The following PUM2 variants were observed in gnomAD, a reference collection of about 807,000 sequenced individuals.
The protein encoded by PUM2 is pumilio RNA binding family member 2.
A neutral mutation model predicts 124.5 loss-of-function variants in PUM2; 57 were observed. That is an observed-to-expected ratio of 0.46 (90% confidence interval 0.37 to 0.57). PUM2 has a LOEUF of 0.57. Ranked by LOEUF, PUM2 falls within the 20% of genes least tolerant of loss-of-function variation. The pLI is 0.00. For synonymous variants in PUM2, 460 were observed against 446.1 expected (o/e 1.03, Z -0.39); for missense variants, 1,065 against 1,290.6 (o/e 0.83, Z 2.68).
chr2:20,326,431 A>T, intron 2 of PUM2: 1 of 1,303,214 alleles, frequency 7.7e-7, no homozygotes, highest in Non-Finnish European at 1.0e-6. Context: ...GAAGGTCTCT[A>T]TTCTACCAAG....
At chr2:20,350,849 C>T (rs540253691), upstream of PUM2, 29 of 962,308 alleles carry the variant, frequency 3.0e-5, no homozygotes, top group Non-Finnish European at 3.6e-5. Flanking sequence ...TCCCCTCCCC[C>T]CCGCCCACCG....
chr2:20,337,596 AGCAG>A (rs1294902850), intron 1 of PUM2, among the ~76,000 whole-genome samples: 3 of 152,372 alleles, frequency 2.0e-5, no homozygotes, highest in African/African-American at 7.2e-5. Context: ...AGCCACATAA[AGCAG>A]GTGGTATTTA....
chr2:20,252,359 C>T (rs186884397), intron 20 of PUM2, among the ~76,000 whole-genome samples: 11 of 152,126 alleles, frequency 7.2e-5, no homozygotes, highest in African/African-American at 1.7e-4. Context: ...TAGAGTTAGC[C>T]GAGATTACAC....
intron 2 of PUM2, among the ~76,000 whole-genome samples, chr2:20,325,459 TG>T (rs1466808645): frequency 6.6e-6 from 1 of 152,216 alleles, no homozygotes; most frequent in African/African-American, 2.4e-5. Flanking sequence ...TTTCAACCAC[TG>T]TTTCAGATCA....
chr2:20,278,115 C>G (rs1423896150), intron 13 of PUM2, among the ~76,000 whole-genome samples: 1 of 152,108 alleles, frequency 6.6e-6, no homozygotes, highest in African/African-American at 2.4e-5. Flanking sequence ...GACAAATACA[C>G]TAAATTCAAA....
rs142232358 is a variant in PUM2 at position 20,296,816 on chromosome 2, G to A, written c.1009+737C>T. On this transcript the variant is annotated intron_variant, in intron 8 of 20. Transcript: ENST00000361078. ...GAACCCCAACTAAGATCAGCAAATCGCTTTGTTCAAATAAGACTGTGCCTG... is the reference window on the plus strand; with the variant it reads ...GAACCCCAACTAAGATCAGCAAATCACTTTGTTCAAATAAGACTGTGCCTG... Among the ~76,000 whole-genome samples the A allele has an allele frequency of 6.4e-3, 969 of 152,256 alleles. 9 individuals are homozygous for A. The highest frequency in any genetic ancestry group is 0.022 in the African/African-American group (930 of 41,534).
At chr2:20,288,358 A>G (rs994089483) in intron 10 of PUM2, among the ~76,000 whole-genome samples, 3 of 152,260 alleles carry the variant, frequency 2.0e-5, no homozygotes, top group African/African-American at 7.2e-5. Context: ...CTGAGCATAA[A>G]AAAAGATACA....
chr2:20,256,492 C>G (rs1328550347), intron 16 of PUM2, among the ~76,000 whole-genome samples: 4 of 152,188 alleles, frequency 2.6e-5, no homozygotes, highest in African/African-American at 9.7e-5. Flanking sequence ...ACTGTCTTCA[C>G]TGTGTAAATC....
intron 1 of PUM2, 198 bp downstream of exon 1, chr2:20,350,396 CGCA>C: frequency 1.2e-6 from 1 of 852,760 alleles, no homozygotes; most frequent in Non-Finnish European, 1.4e-6. Context: ...CCCCCTCCCC[CGCA>C]CGCGCACACC....
intron 5 of PUM2, among the ~76,000 whole-genome samples, chr2:20,310,043 TA>T (rs1203143502): frequency 1.3e-5 from 2 of 152,096 alleles, no homozygotes; most frequent in Non-Finnish European, 2.9e-5. Flanking sequence ...AATTTTTCTT[TA>T]AAAAATAAGT....
chr2:20,275,519 T>C (rs1670035776), intron 13 of PUM2, among the ~76,000 whole-genome samples: 1 of 152,126 alleles, frequency 6.6e-6, no homozygotes, highest in Non-Finnish European at 1.5e-5. Context: ...TAACAAATTA[T>C]CATTTTGCAA....
chr2:20,292,216 C>T (rs912226916), intron 9 of PUM2, among the ~76,000 whole-genome samples: 2 of 151,664 alleles, frequency 1.3e-5, no homozygotes, highest in African/African-American at 4.8e-5. Context: ...ACTTGATCCC[C>T]GCCTCCCTGT....
At chr2:20,342,641 C>T (rs777717703) in intron 1 of PUM2, among the ~76,000 whole-genome samples, 4 of 152,034 alleles carry the variant, frequency 2.6e-5, no homozygotes, top group African/African-American at 7.2e-5. Flanking sequence ...CCCTAACTTA[C>T]GGTTAAAAGC....
chr2:20,341,149 G>C (rs183553923), intron 1 of PUM2, among the ~76,000 whole-genome samples: 18 of 150,356 alleles, frequency 1.2e-4, no homozygotes, highest in Non-Finnish European at 2.1e-4. Flanking sequence ...AGGGGCCACA[G>C]CTCTTACCTG....
intron 13 of PUM2, among the ~76,000 whole-genome samples, chr2:20,271,121 C>T (rs905766311): frequency 6.6e-6 from 1 of 151,948 alleles, no homozygotes; most frequent in Non-Finnish European, 1.5e-5. Context: ...CAAGCAGAGG[C>T]TGGCTTCAAT....
At chr2:20,275,030 C>T (rs1669924408) in intron 13 of PUM2, among the ~76,000 whole-genome samples, 1 of 132,528 alleles carries the variant, frequency 7.5e-6, no homozygotes, top group African/African-American at 2.8e-5. Context: ...GTAGATTGCC[C>T]CCCTCCTATA....
At chr2:20,288,938 C>T (rs529398816) in intron 10 of PUM2, among the ~76,000 whole-genome samples, 32 of 152,042 alleles carry the variant, frequency 2.1e-4, no homozygotes, top group South Asian at 1.5e-3. Flanking sequence ...GTGGTTTTTT[C>T]GTTTGTATTT....
chr2:20,269,042 A>T (rs1043446358), intron 13 of PUM2, among the ~76,000 whole-genome samples: 1 of 152,126 alleles, frequency 6.6e-6, no homozygotes, highest in Non-Finnish European at 1.5e-5. Context: ...AATTAGGCTG[A>T]ATTTTTGTTT....
rs1666726080 is a variant in PUM2 at position 20,263,252 on chromosome 2, A to C, written c.2166T>G (p.Leu722=). 1 of 1,608,514 alleles carries C rather than the reference A, an allele frequency of 6.2e-7. No individual in the cohort carries two copies. ...TATGTCCAATCAAGTCTCTAAGCTG[A>C]AGGTTTGGGAAGCGGTTGTTTCTGA... ...EDFRNNRFPN[L]QLRDLIGHIV... Residue 722 remains leucine (L), a synonymous_variant, in exon 14 of 21, where the codon CTT becomes CTG. Coordinates refer to ENST00000361078, the MANE Select transcript of PUM2 (RefSeq NM_015317.5).
Sources: gnomAD v4.1 joint callset for allele counts (sites outside exome capture counted in the v4.1 genomes callset) on GRCh38, gnomAD v4.1.1 for gene constraint, MANE v1.5 for transcripts, NCBI Gene and HGNC (gene_info 2026-07-23, HGNC 2026-07-21) for gene names.